IL5RA: variants seen among roughly 807,000 people sequenced by gnomAD.
IL5RA encodes interleukin 5 receptor subunit alpha.
A neutral mutation model predicts 50.0 loss-of-function variants in IL5RA; 49 were observed. That is an observed-to-expected ratio of 0.98 (90% CI 0.78 to 1.24). The LOEUF (loss-of-function observed/expected upper bound fraction) is 1.24, where lower values mean the gene tolerates loss of function less well. Among genes scored for constraint, IL5RA ranks in the 50% most tolerant of loss-of-function variants. The pLI is 0.00. For missense variants in IL5RA, 600 were observed against 500.4 expected, an observed-to-expected ratio of 1.20 and a Z score of -1.90; for synonymous variants, 202 against 174.0, an observed-to-expected ratio of 1.16 and a Z score of -1.26.
chr3:3,081,752 T>C (rs1702670612), intron 9 of IL5RA, among the ~76,000 whole-genome samples: 1 of 152,222 alleles, frequency 6.6e-6, no homozygotes, highest in African/African-American at 2.4e-5. Flanking sequence ...AACCCTGATT[T>C]TATTTCATTA....
At chr3:3,079,424 C>T (rs1702590841) in intron 9 of IL5RA, among the ~76,000 whole-genome samples, 1 of 152,190 alleles carries the variant, frequency 6.6e-6, no homozygotes, top group Non-Finnish European at 1.5e-5. Flanking sequence ...TTGACTCTTT[C>T]CATCCTTTAC....
At chr3:3,083,429 G>A (rs3804802) in intron 9 of IL5RA, among the ~76,000 whole-genome samples, 63,761 of 152,014 alleles carry the variant, frequency 0.42, 13,982 homozygotes, top group African/African-American at 0.55. Context: ...ATTTGTGTAC[G>A]TGTGTGTATT....
intron 9 of IL5RA, among the ~76,000 whole-genome samples, chr3:3,080,457 C>G (rs967077012): frequency 1.3e-5 from 2 of 152,168 alleles, no homozygotes; most frequent in African/African-American, 4.8e-5. Flanking sequence ...AGGAGCTTCG[C>G]TTCACTTATT....
chr3:3,100,546 C>T (rs979560754), intron 5 of IL5RA, among the ~76,000 whole-genome samples: 1 of 152,214 alleles, frequency 6.6e-6, no homozygotes, highest in Non-Finnish European at 1.5e-5. Context: ...CCTGACAACT[C>T]TTTGTCTTAT....
intron 1 of IL5RA, 57 bp downstream of exon 1, chr3:3,109,887 GA>G (rs1179773816): frequency 7.2e-5 from 11 of 152,134 alleles, no homozygotes; most frequent in Admixed American, 7.2e-4. Flanking sequence ...CCATGTCATA[GA>G]AAAAAGATAT....
chr3:3,075,636 T>G (rs892912972), intron 10 of IL5RA, among the ~76,000 whole-genome samples: 1 of 151,744 alleles, frequency 6.6e-6, no homozygotes, highest in African/African-American at 2.4e-5. Flanking sequence ...AGTCTCACTC[T>G]GTCCCCCAGG....
At chr3:3,085,295 A>G (rs886326044) in intron 9 of IL5RA, among the ~76,000 whole-genome samples, 2 of 151,972 alleles carry the variant, frequency 1.3e-5, no homozygotes, top group African/African-American at 4.8e-5. Context: ...TACTGTGTAG[A>G]CCCAGTGGCT....
Position 3,066,764 on chromosome 3 carries a change from G to A in IL5RA, c.*3461C>T, listed in dbSNP as rs1029930212. ...CTTCCCCAGCCTGCATGAATAGCTTGAGGTCTGAGGCATTTCAATGAGGCT... is the reference window on the plus strand; with the variant it reads ...CTTCCCCAGCCTGCATGAATAGCTTAAGGTCTGAGGCATTTCAATGAGGCT... On this transcript the variant is annotated 3_prime_UTR_variant, in exon 12 of 12. Transcript: ENST00000446632. 2.0e-5 allele frequency: 3 copies of A among 152,216 alleles called. No individual in the cohort carries two copies. The highest frequency in any genetic ancestry group is 1.3e-4 in the Admixed American group (2 of 15,284). 9.4% of individuals were successfully genotyped at this position (152,216 alleles called of 1,614,324 possible).
At chr3:3,105,094 T>C (rs1421358775) in intron 2 of IL5RA, 107 bp from the exon 3 acceptor site, 3 of 691,854 alleles carry the variant, frequency 4.3e-6, no homozygotes, top group Non-Finnish European at 7.7e-6. Context: ...TTAACAGACA[T>C]TTATGGCATA....
At chr3:3,073,759 A>T in intron 11 of IL5RA, 1 of 451,338 alleles carries the variant, frequency 2.2e-6, no homozygotes, top group Non-Finnish European at 4.4e-6. Flanking sequence ...CTCACCCCAA[A>T]TCCCAGCTAC....
At chr3:3,096,661 C>T (rs188387780) in intron 7 of IL5RA, among the ~76,000 whole-genome samples, 23 of 152,096 alleles carry the variant, frequency 1.5e-4, no homozygotes, top group African/African-American at 5.5e-4. Flanking sequence ...TCATTGTTTC[C>T]TAGGTCTTCC....
In IL5RA at chr3:3,092,141, A is replaced by G. The variant is rs2125972450; in HGVS notation, c.994+83T>C. 6.4e-7 allele frequency: 1 copy of G among 1,551,210 alleles called. No individual in the cohort carries two copies. Among genetic ancestry groups the G allele is most frequent in the Admixed American group, 2.0e-5 (1 of 50,144 alleles). ...GAGATATGAAACCATTTTAAGACCC[A>G]CGAGTGAACGGGTACGTTTCTGGGA... On this transcript the variant is annotated intron_variant, in intron 9 of 11. Coordinates refer to ENST00000446632, the MANE Select transcript of IL5RA (RefSeq NM_175726.4). This position sits in a 1 kb window ranked among gnomAD's most constrained non-coding sequence, Gnocchi z 4.2.
At chr3:3,088,470 C>G (rs17882675) in intron 9 of IL5RA, among the ~76,000 whole-genome samples, 2 of 152,224 alleles carry the variant, frequency 1.3e-5, no homozygotes, top group Admixed American at 1.3e-4. Context: ...ATCCTCAATG[C>G]TGCACTCTAA....
intron 7 of IL5RA, among the ~76,000 whole-genome samples, chr3:3,097,591 G>A (rs900646215): frequency 6.6e-6 from 1 of 152,152 alleles, no homozygotes; most frequent in Non-Finnish European, 1.5e-5. Flanking sequence ...CACAGCTCAA[G>A]GACAGAGGGG....
intron 2 of IL5RA, among the ~76,000 whole-genome samples, chr3:3,105,306 A>G (rs17882152): frequency 1.1e-4 from 16 of 152,286 alleles, no homozygotes; most frequent in African/African-American, 3.9e-4. Flanking sequence ...AGAGTCCTTG[A>G]CGCACACAAC....
At chr3:3,078,111 C>T (rs755199865) in intron 9 of IL5RA, among the ~76,000 whole-genome samples, 2 of 152,126 alleles carry the variant, frequency 1.3e-5, no homozygotes, top group East Asian at 1.9e-4. Flanking sequence ...TAATGACGAG[C>T]GTGCTAAATA....
chr3:3,101,547 T>A, intron 5 of IL5RA, 145 bp downstream of exon 5: 1 of 692,232 alleles, frequency 1.4e-6, no homozygotes, highest in Admixed American at 3.2e-5. Flanking sequence ...GGCAGCAGCC[T>A]TGGTTAGGAT....
chr3:3,068,773 G>A lies in IL5RA; in HGVS notation c.*1452C>T, dbSNP rs768515263. 2.0e-5 allele frequency: 3 copies of A among 152,010 alleles called. No homozygotes were observed. Among genetic ancestry groups the A allele is most frequent in the African/African-American group, 7.3e-5 (3 of 41,348 alleles). 9.4% of individuals were successfully genotyped at this position (152,010 alleles called of 1,614,324 possible). A position where few individuals can be genotyped will look rare whatever the true frequency, so the allele number is the denominator to read the frequency against. ...CACATTTCTGGGGTCACTTTTACCT[G>A]AGCCTGGTATTCAACTCCTCACTAT... On this transcript the variant is annotated 3_prime_UTR_variant, in exon 12 of 12. Transcript: ENST00000446632.
At chr3:3,090,072 A>T in intron 9 of IL5RA, 1 of 772,848 alleles carries the variant, frequency 1.3e-6, no homozygotes, top group Non-Finnish European at 2.1e-6. Context: ...AACAGAGTTA[A>T]GCCAATTACC....
Sources: gnomAD v4.1 joint callset for allele counts (sites outside exome capture counted in the v4.1 genomes callset) on GRCh38, gnomAD v4.1.1 for gene constraint, Gnocchi (gnomAD v3.1) non-coding constraint, MANE v1.5 for transcripts, NCBI Gene and HGNC (gene_info 2026-07-23, HGNC 2026-07-21) for gene names.